The following BRD10 variants were observed in gnomAD, a reference collection of about 807,000 sequenced individuals.
BRD10 encodes the protein uncharacterized bromodomain-containing protein 10.
the BRD10 span, chr9:6,007,701 C>T: frequency 1.9e-6 from 3 of 1,608,738 alleles, no homozygotes; most frequent in Non-Finnish European, 1.7e-6. Flanking sequence ...CCACCTCCTC[C>T]TCGTCGTCCT....
At chr9:5,985,785 C>CAA in the BRD10 span, among the ~76,000 whole-genome samples, 22 of 143,976 alleles carry the variant, frequency 1.5e-4, no homozygotes, top group East Asian at 3.0e-3. Flanking sequence ...AACTCCGTCT[C>CAA]AAAAAAAATA....
At chr9:5,891,131 C>T in the BRD10 span, 1 of 152,190 alleles carries the variant, frequency 6.6e-6, no homozygotes, top group Admixed American at 6.5e-5. Flanking sequence ...TCTCAGTCCT[C>T]CAACACTACC....
the BRD10 span, among the ~76,000 whole-genome samples, chr9:5,998,490 T>C: frequency 6.6e-6 from 1 of 152,156 alleles, no homozygotes; most frequent in East Asian, 1.9e-4. Context: ...AAATCTTTTA[T>C]GATCCTTTTC....
At chr9:5,951,147 A>G in the BRD10 span, among the ~76,000 whole-genome samples, 1 of 151,890 alleles carries the variant, frequency 6.6e-6, no homozygotes, top group African/African-American at 2.4e-5. Flanking sequence ...TACTCTAAAT[A>G]GGAGTAGGAT....
chr9:6,000,865 T>A, the BRD10 span, among the ~76,000 whole-genome samples: 1 of 152,212 alleles, frequency 6.6e-6, no homozygotes, highest in Non-Finnish European at 1.5e-5. Context: ...AGTTCTGCCA[T>A]TGGCTCCCTT....
At chr9:5,996,624 C>T in the BRD10 span, among the ~76,000 whole-genome samples, 614 of 152,250 alleles carry the variant, frequency 4.0e-3, 2 homozygotes, top group African/African-American at 0.014. Flanking sequence ...AGCTACCATG[C>T]CCGAGCCATG....
the BRD10 span, chr9:6,007,953 G>C: frequency 3.8e-6 from 5 of 1,309,336 alleles, no homozygotes; most frequent in South Asian, 2.3e-5. Flanking sequence ...CGGGGGTCTT[G>C]AGCTCACCGC....
At chr9:5,988,612 G>A in the BRD10 span, 1 of 1,168,710 alleles carries the variant, frequency 8.6e-7, no homozygotes, top group Non-Finnish European at 1.2e-6. Context: ...CCCTTAGCCA[G>A]CAACTTAAGA....
chr9:5,910,850 C>G, the BRD10 span: 1 of 152,340 alleles, frequency 6.6e-6, no homozygotes, highest in African/African-American at 2.4e-5. Context: ...CAGGGCAACC[C>G]TGGGAGCCAT....
the BRD10 span, chr9:5,907,041 T>C: frequency 7.9e-7 from 1 of 1,262,392 alleles, no homozygotes. Flanking sequence ...TGAATGGCTG[T>C]TTTTAACTCA....
the BRD10 span, among the ~76,000 whole-genome samples, chr9:5,989,658 T>C: frequency 2.0e-5 from 3 of 151,592 alleles, no homozygotes; most frequent in Non-Finnish European, 4.4e-5. Flanking sequence ...GCCTCCTCAG[T>C]AGCTGGGACC....
the BRD10 span, among the ~76,000 whole-genome samples, chr9:5,937,401 G>C: frequency 6.6e-6 from 1 of 151,780 alleles, no homozygotes; most frequent in African/African-American, 2.4e-5. Flanking sequence ...TGGGCGTGGT[G>C]GCACATGCCT....
the BRD10 span, chr9:5,922,327 G>C: frequency 1.2e-6 from 2 of 1,613,854 alleles, no homozygotes; most frequent in Non-Finnish European, 1.7e-6. Context: ...GTGAAGCACT[G>C]GGCAAGGAGA....
chr9:5,953,974 A>G, the BRD10 span: 2 of 1,223,284 alleles, frequency 1.6e-6, no homozygotes, highest in Non-Finnish European at 2.4e-6. Flanking sequence ...GAACACTGAA[A>G]CAAAAAATTG....
the BRD10 span, chr9:5,922,114 T>C: frequency 8.1e-6 from 13 of 1,614,016 alleles, no homozygotes; most frequent in Non-Finnish European, 1.1e-5. Flanking sequence ...GGTTGGTCTG[T>C]ACTTTTACAA....
At chr9:5,923,368 C>G in the BRD10 span, 2 of 1,258,042 alleles carry the variant, frequency 1.6e-6, no homozygotes. Context: ...ATAGTAATAA[C>G]ATCAACTGTA....
At chr9:6,007,164 G>A in the BRD10 span, 1 of 1,595,032 alleles carries the variant, frequency 6.3e-7, no homozygotes. Flanking sequence ...GTGTCAGTCT[G>A]TCAGTCCCAC....
At chr9:5,933,501 A>G in the BRD10 span, among the ~76,000 whole-genome samples, 1 of 152,322 alleles carries the variant, frequency 6.6e-6, no homozygotes, top group Middle Eastern at 3.4e-3. Context: ...CCCTTTCCAT[A>G]AGATGGCCCA....
the BRD10 span, among the ~76,000 whole-genome samples, chr9:5,898,436 T>C: frequency 6.6e-6 from 1 of 152,238 alleles, no homozygotes; most frequent in Non-Finnish European, 1.5e-5. Flanking sequence ...GACAGAGCCC[T>C]TGTAACTTAA....
Sources: gnomAD v4.1 joint callset for allele counts (sites outside exome capture counted in the v4.1 genomes callset) on GRCh38, gnomAD v4.1.1 for gene constraint, MANE v1.5 for transcripts, NCBI Gene and HGNC (gene_info 2026-07-23, HGNC 2026-07-21) for gene names.